The following NREP variants were observed in gnomAD, a reference collection of about 807,000 sequenced individuals.
NREP encodes neuronal regeneration-related protein.
In NREP, 5 loss-of-function variants were observed where a neutral mutation model predicts 8.6. That is an observed-to-expected ratio of 0.58 (90% CI 0.30 to 1.22). The LOEUF is 1.22. Ranked by LOEUF, NREP falls within the 50% of genes most tolerant of loss-of-function variation. The pLI is 0.07. For synonymous variants in NREP, 27 were observed against 28.0 expected, an observed-to-expected ratio of 0.96 and a Z score of 0.11; for missense variants, 86 against 82.5, an observed-to-expected ratio of 1.04 and a Z score of -0.17.
At chr5:111,975,381 G>A in intron 1 of NREP, 4 of 1,550,508 alleles carry the variant, frequency 2.6e-6, no homozygotes, top group Non-Finnish European at 3.5e-6. Context: ...CTTCGGCTCT[G>A]CAGACAAGAC....
chr5:111,850,146 T>G (rs1753273481), intron 2 of NREP, among the ~76,000 whole-genome samples: 1 of 152,222 alleles, frequency 6.6e-6, no homozygotes. Flanking sequence ...TGTCTACCTC[T>G]CTACAGCTTA....
chr5:111,790,770 A>T (rs1751726495), intron 2 of NREP, among the ~76,000 whole-genome samples: 1 of 99,036 alleles, frequency 1.0e-5, no homozygotes, highest in Non-Finnish European at 2.1e-5. Flanking sequence ...ATGGGAAGTT[A>T]TTTAGGATAT....
chr5:111,913,891 G>A (rs1754981466), intron 2 of NREP, among the ~76,000 whole-genome samples: 1 of 152,060 alleles, frequency 6.6e-6, no homozygotes, highest in South Asian at 2.1e-4. Context: ...ATGGATGAGG[G>A]TATTCAAGTC....
At position 111,805,854 on chromosome 5, in the gene NREP, G is replaced by A. The variant is rs140222616; in HGVS notation, c.136-70347C>T. Among the ~76,000 whole-genome samples, 1,251 of 152,244 alleles carry A rather than the reference G, an allele frequency of 8.2e-3. 10 individuals carry two copies. The highest frequency in any genetic ancestry group is 0.027 in the South Asian group (132 of 4,824). On this transcript the variant is annotated intron_variant, in intron 2 of 3. Transcript: ENST00000395634. ...GATAAATAAATTCAGGAGATCGACT[G>A]TACCGCATGGCAATTATCATTAATA...
At chr5:111,862,199 G>A (rs1285257571) in intron 2 of NREP, among the ~76,000 whole-genome samples, 1 of 152,140 alleles carries the variant, frequency 6.6e-6, no homozygotes, top group African/African-American at 2.4e-5. Flanking sequence ...CCCTGAGTAT[G>A]GTTACAATGG....
At chr5:111,835,507 A>C (rs1046242668) in intron 2 of NREP, among the ~76,000 whole-genome samples, 2 of 152,106 alleles carry the variant, frequency 1.3e-5, no homozygotes, top group African/African-American at 4.8e-5. Context: ...TTCTCAGGGG[A>C]GGAAATCCTT....
At position 111,826,784 on chromosome 5, in the gene NREP, C is replaced by T. The variant is rs1038529334; in HGVS notation, c.136-91277G>A. On this transcript the variant is annotated intron_variant, in intron 2 of 3. Transcript: ENST00000395634. ...TCCTGGCCTCAAGTGATCCACCTGT[C>T]TTGGCCTCCCAAAGTGCTGGGATTA... Among the ~76,000 whole-genome samples, 12 of 152,302 alleles carry T rather than the reference C, an allele frequency of 7.9e-5. No homozygotes were observed. In the East Asian group the frequency reaches 2.3e-3, roughly 29 times the overall value.
At chr5:111,901,501 T>C (rs1276519019) in intron 2 of NREP, among the ~76,000 whole-genome samples, 1 of 151,896 alleles carries the variant, frequency 6.6e-6, no homozygotes, top group Non-Finnish European at 1.5e-5. Flanking sequence ...GAAAAAATAA[T>C]TGAAAAAGAG....
intron 2 of NREP, among the ~76,000 whole-genome samples, chr5:111,944,792 T>A (rs1276533632): frequency 1.3e-5 from 2 of 152,118 alleles, no homozygotes; most frequent in Non-Finnish European, 2.9e-5. Flanking sequence ...TTTGAGCCCC[T>A]GCTCAGACTC....
chr5:111,878,561 G>C (rs1187275957), intron 2 of NREP, among the ~76,000 whole-genome samples: 1 of 152,210 alleles, frequency 6.6e-6, no homozygotes, highest in Non-Finnish European at 1.5e-5. Context: ...GATGAGATTT[G>C]GGTGGGGAAC....
At chr5:111,930,408 T>A (rs1219907226) in intron 2 of NREP, among the ~76,000 whole-genome samples, 1 of 152,174 alleles carries the variant, frequency 6.6e-6, no homozygotes, top group Non-Finnish European at 1.5e-5. Flanking sequence ...CTCTAAACTT[T>A]CCCTTCTATC....
chr5:111,835,519 A>C (rs1417178995), intron 2 of NREP, among the ~76,000 whole-genome samples: 2 of 152,030 alleles, frequency 1.3e-5, no homozygotes, highest in Admixed American at 1.3e-4. Flanking sequence ...GAAATCCTTG[A>C]GCTAAGATTT....
intron 2 of NREP, among the ~76,000 whole-genome samples, chr5:111,952,801 A>G (rs138982118): frequency 0.01 from 1,526 of 152,224 alleles, 24 homozygotes; most frequent in African/African-American, 0.035. Flanking sequence ...AGATGTTACC[A>G]TTGGGGAAAG....
chr5:111,756,053 T>C (rs1254158505), intron 1 of NREP: 2 of 1,250,598 alleles, frequency 1.6e-6, no homozygotes, highest in Non-Finnish European at 2.0e-6. Context: ...TGCAGAGTCC[T>C]GGGCTATTCT....
chr5:111,788,402 G>A (rs1344064871), intron 2 of NREP, among the ~76,000 whole-genome samples: 1 of 152,184 alleles, frequency 6.6e-6, no homozygotes, highest in Non-Finnish European at 1.5e-5. Context: ...GCATATATAT[G>A]TGGAAATTAG....
At chr5:111,882,519 A>G (rs932307602) in intron 2 of NREP, among the ~76,000 whole-genome samples, 1 of 152,212 alleles carries the variant, frequency 6.6e-6, no homozygotes, top group East Asian at 1.9e-4. Flanking sequence ...ACTCGAAGAC[A>G]CATAATTGTC....
intron 2 of NREP, among the ~76,000 whole-genome samples, chr5:111,885,507 T>C (rs544336896): frequency 2.0e-5 from 3 of 152,250 alleles, no homozygotes; most frequent in South Asian, 2.1e-4. Flanking sequence ...AAAAAGAGCC[T>C]GCATCACCAA....
chr5:111,766,426 T>G (rs1341443178), intron 2 of NREP, among the ~76,000 whole-genome samples: 11 of 152,178 alleles, frequency 7.2e-5, no homozygotes. Context: ...ATCCCTTAAC[T>G]GTGAAAGGGT....
intron 2 of NREP, among the ~76,000 whole-genome samples, chr5:111,797,674 A>G (rs1275973897): frequency 6.6e-6 from 1 of 152,208 alleles, no homozygotes; most frequent in African/African-American, 2.4e-5. Context: ...TTTCATCTTC[A>G]AATGAAATGA....
Sources: allele counts gnomAD v4.1 joint callset (sites outside exome capture counted in the v4.1 genomes callset), GRCh38; gene constraint gnomAD v4.1.1; transcripts MANE v1.5; gene names NCBI Gene and HGNC (gene_info 2026-07-23, HGNC 2026-07-21).